Variants in SNAP91 observed in about 807,000 individuals in gnomAD.
SNAP91 encodes clathrin coat assembly protein AP180.
In SNAP91, 27 loss-of-function variants were observed where a neutral mutation model predicts 100.3. The ratio of observed to expected loss-of-function variants is 0.27; its 90% confidence interval spans 0.20 to 0.37. SNAP91 has a LOEUF of 0.37. Ranked by LOEUF, SNAP91 falls within the 10% of genes least tolerant of loss-of-function variation. SNAP91 has a pLI of 1.00. For synonymous variants in SNAP91, 404 were observed against 398.6 expected (o/e 1.01, Z -0.16); for missense variants, 986 against 1,123.7 (o/e 0.88, Z 1.75).
intron 8 of SNAP91, among the ~76,000 whole-genome samples, chr6:83,628,961 T>A (rs142984367): frequency 4.6e-5 from 7 of 152,308 alleles, no homozygotes; most frequent in African/African-American, 7.2e-5. Flanking sequence ...AGAAGGGTTT[T>A]TCCAATGTTA....
In SNAP91 at chr6:83,707,783, T is replaced by C; in HGVS notation, c.130+15A>G. ...CTGCCGTGCGCATGTCCCTCTTATATAAAGAGATGCTTACAGTCCAGGTGC... is the reference window on the plus strand; with the variant it reads ...CTGCCGTGCGCATGTCCCTCTTATACAAAGAGATGCTTACAGTCCAGGTGC... On this transcript the variant is annotated intron_variant, in intron 2 of 29. Transcript: ENST00000369694. The C allele has an allele frequency of 6.2e-7, 1 of 1,612,514 alleles. No homozygotes were observed. The highest frequency in any genetic ancestry group is 8.5e-7 in the Non-Finnish European group (1 of 1,179,434).
chr6:83,620,533 T>C (rs2096670726), intron 9 of SNAP91, among the ~76,000 whole-genome samples: 1 of 152,086 alleles, frequency 6.6e-6, no homozygotes, highest in Non-Finnish European at 1.5e-5. Flanking sequence ...GAGGTCTAAA[T>C]CCTCAGGTCA....
chr6:83,622,445 A>T (rs2096767329), intron 9 of SNAP91, among the ~76,000 whole-genome samples: 1 of 48,844 alleles, frequency 2.0e-5, no homozygotes, highest in African/African-American at 1.1e-4. Context: ...ATCTTTCATT[A>T]TGACAATTTT....
At chr6:83,619,320 G>GAT (rs1331778862) in intron 9 of SNAP91, among the ~76,000 whole-genome samples, 2 of 152,130 alleles carry the variant, frequency 1.3e-5, no homozygotes, top group African/African-American at 4.8e-5. Context: ...AAAGTACTTT[G>GAT]ATAGTAATAT....
intron 8 of SNAP91, among the ~76,000 whole-genome samples, chr6:83,631,078 A>C (rs2097188304): frequency 6.6e-6 from 1 of 151,862 alleles, no homozygotes; most frequent in Non-Finnish European, 1.5e-5. Flanking sequence ...TTTGATTTTC[A>C]TTTTGATTTC....
intron 22 of SNAP91, 21 bp downstream of exon 22, chr6:83,591,190 A>C: frequency 2.0e-6 from 3 of 1,488,098 alleles, no homozygotes; most frequent in South Asian, 2.3e-5. Context: ...CTTCTACAAA[A>C]TACCATTTTA....
At chr6:83,559,477 T>C (rs1302757799) in intron 28 of SNAP91, among the ~76,000 whole-genome samples, 2 of 152,164 alleles carry the variant, frequency 1.3e-5, no homozygotes, top group African/African-American at 2.4e-5. Flanking sequence ...TGGATCTAAT[T>C]TGTATCCTTT....
chr6:83,558,398 C>A (rs1274417422), intron 28 of SNAP91, among the ~76,000 whole-genome samples: 3 of 152,222 alleles, frequency 2.0e-5, no homozygotes, highest in Non-Finnish European at 4.4e-5. Flanking sequence ...CCAAAAACAA[C>A]ACTACACAGG....
chr6:83,651,210 C>T (rs1342300523), intron 7 of SNAP91, among the ~76,000 whole-genome samples: 2 of 151,858 alleles, frequency 1.3e-5, no homozygotes, highest in East Asian at 1.9e-4. Flanking sequence ...CTTTTGGTTT[C>T]ATCATTTTTT....
intron 22 of SNAP91, among the ~76,000 whole-genome samples, chr6:83,586,357 G>A (rs2092627311): frequency 1.3e-5 from 2 of 152,100 alleles, no homozygotes; most frequent in African/African-American, 4.8e-5. Flanking sequence ...AACTACAAAG[G>A]GCCTCATAGG....
At position 83,659,055 on chromosome 6, in the gene SNAP91, G is replaced by T; in HGVS notation, c.490C>A (p.Leu164Met). 6.2e-7 allele frequency: 1 copy of T among 1,606,062 alleles called. No homozygotes were observed. The change falls in exon 6 of 30, where the codon CTG becomes ATG. Residue 164 changes from leucine to methionine, a missense_variant. Physicochemically the swap from Leu to Met is conservative, Grantham distance 15. This residue lies in a region of SNAP91 where 330 missense variants were observed against 447.5 expected (regional missense o/e 0.74). Coordinates refer to ENST00000369694, the MANE Select transcript of SNAP91 (RefSeq NM_001242792.2). ...GVMRTMAPEK[L>M]LKSMPILQGQ... ...TGTAGTATTGGCATACTCTTTAGCA[G>T]CTTTTCGGGAGCCATTGTCCTCATT... is the stretch of plus-strand genomic sequence containing the variant.
chr6:83,696,999 A>C (rs2099222557), intron 2 of SNAP91, among the ~76,000 whole-genome samples: 1 of 152,196 alleles, frequency 6.6e-6, no homozygotes, highest in Non-Finnish European at 1.5e-5. Flanking sequence ...GGTCATTAAA[A>C]ATAAAATTAA....
At chr6:83,609,319 T>C (rs2095843348) in intron 12 of SNAP91, among the ~76,000 whole-genome samples, 1 of 152,160 alleles carries the variant, frequency 6.6e-6, no homozygotes. Context: ...GATGCCACAA[T>C]TTTACGACAC....
At chr6:83,614,534 C>T (rs571231933) in intron 11 of SNAP91, among the ~76,000 whole-genome samples, 5 of 152,102 alleles carry the variant, frequency 3.3e-5, no homozygotes, top group African/African-American at 1.2e-4. Flanking sequence ...CGCATTTATG[C>T]TATAAGCCAT....
chr6:83,692,311 T>C (rs954859480), intron 2 of SNAP91, among the ~76,000 whole-genome samples: 2 of 152,068 alleles, frequency 1.3e-5, no homozygotes, highest in Non-Finnish European at 2.9e-5. Context: ...GGTCAAGAGT[T>C]CAAGACCAGC....
chr6:83,611,580 TAGC>T (rs1258607974), intron 11 of SNAP91: 1 of 310,956 alleles, frequency 3.2e-6, no homozygotes, highest in African/African-American at 2.3e-5. Flanking sequence ...ATCACACACA[TAGC>T]AGCAGCAAAA....
At position 83,677,720 on chromosome 6, in the gene SNAP91, G is replaced by A. The variant is rs142425377; in HGVS notation, c.131-12139C>T. 3.3e-4 allele frequency among the ~76,000 whole-genome samples: 51 copies of A among 152,294 alleles called. 1 individual carries two copies. The East Asian group carries it at 9.6e-3, about 29-fold the overall frequency. The stretch of plus-strand genomic sequence containing the variant: ...TAGAAATAATACATGCATGCCAGCT[G>A]TAATACTACATTGCTTTTATATTTT... On this transcript the variant is annotated intron_variant, in intron 2 of 29. Coordinates refer to ENST00000369694, the MANE Select transcript of SNAP91 (RefSeq NM_001242792.2).
At chr6:83,577,149 C>G (rs1312048551) in intron 24 of SNAP91, among the ~76,000 whole-genome samples, 1 of 152,090 alleles carries the variant, frequency 6.6e-6, no homozygotes, top group Non-Finnish European at 1.5e-5. Context: ...AGAAGTGAGA[C>G]TTGGGCAAAG....
intron 1 of SNAP91, 86 bp from the exon 2 acceptor site, chr6:83,708,043 G>C (rs942412129): frequency 1.6e-6 from 2 of 1,256,228 alleles, no homozygotes; most frequent in Non-Finnish European, 2.1e-6. Flanking sequence ...CCAGCCGCGC[G>C]GCGGCTCTCT....
Sources: gnomAD v4.1 joint callset for allele counts (sites outside exome capture counted in the v4.1 genomes callset) on GRCh38, gnomAD v4.1.1 for gene constraint, gnomAD v4.1.1 regional missense constraint, MANE v1.5 for transcripts, NCBI Gene and HGNC (gene_info 2026-07-23, HGNC 2026-07-21) for gene names.